Variants in HLA-G observed in about 807,000 individuals in gnomAD.
HLA-G encodes major histocompatibility complex, class I, G.
HLA-G carries 34 observed loss-of-function variants against 39.3 expected under a neutral mutation model. That is an observed-to-expected ratio of 0.86 (90% confidence interval 0.66 to 1.15). The LOEUF (loss-of-function observed/expected upper bound fraction) is 1.15, where lower values mean the gene tolerates loss of function less well. Ranked by LOEUF, HLA-G falls within the 50% of genes most tolerant of loss-of-function variation. The probability of loss-of-function intolerance (pLI) is 0.00; values close to 1 mark genes in which losing one functional copy is unlikely to be tolerated. For missense variants in HLA-G, 419 were observed against 456.4 expected (o/e 0.92, Z 0.75); for synonymous variants, 183 against 185.8 (o/e 0.99, Z 0.12).
upstream of HLA-G, among the ~76,000 whole-genome samples, chr6:29,826,724 T>C (rs3115630): frequency 0.95 from 144,393 of 152,338 alleles, 68,542 homozygotes; most frequent in East Asian, 1. Context: ...TCTACAGAGC[T>C]TCGCTGGGTG....
upstream of HLA-G, chr6:29,827,719 C>A: frequency 2.2e-6 from 2 of 929,374 alleles, no homozygotes; most frequent in Non-Finnish European, 3.5e-6. Flanking sequence ...TGGATACTCA[C>A]CGGGCGGCCC....
upstream of HLA-G, chr6:29,827,126 T>A (rs1562465978): frequency 2.1e-6 from 1 of 475,030 alleles, no homozygotes; most frequent in Non-Finnish European, 4.4e-6. Flanking sequence ...AGTCGTGTTG[T>A]AATGCTTTTA....
In HLA-G at chr6:29,828,040, C is replaced by G. The variant is rs569854342; in HGVS notation, c.74-7C>G. 1 of 1,609,336 alleles carries G rather than the reference C, an allele frequency of 6.2e-7. No individual in the cohort carries two copies. On this transcript the variant is annotated splice_region_variant and splice_polypyrimidine_tract_variant and intron_variant, in intron 1 of 6. Coordinates refer to ENST00000360323, the MANE Select transcript of HLA-G (RefSeq NM_001384290.1). Reference sequence around the variant, plus strand: ...TCGGGCGGGTCTCAACCCCTCCTCGCCCCCAGGCTCCCACTCCATGAGGTA... The same window carrying G: ...TCGGGCGGGTCTCAACCCCTCCTCGGCCCCAGGCTCCCACTCCATGAGGTA...
At chr6:29,827,804 C>T (rs1400922115), upstream of HLA-G, 3 of 1,592,958 alleles carry the variant, frequency 1.9e-6, no homozygotes, top group Non-Finnish European at 2.6e-6. Flanking sequence ...TTCTAAAGTC[C>T]TCGCTCACCC....
chr6:29,830,535 GT>G, intron 6 of HLA-G, 125 bp downstream of exon 6: 1 of 898,288 alleles, frequency 1.1e-6, no homozygotes, highest in Non-Finnish European at 1.9e-6. Context: ...ACCAGGTGCT[GT>G]TTTTGTTCTA....
Position 29,828,289 on chromosome 6 carries a change from C to A in HLA-G, c.316C>A (p.Arg106Ser), listed in dbSNP as rs780775783. ...TGACAGAATGAACCTGCAGACCCTG[C>A]GCGGCTACTACAACCAGAGCGAGGC... The part of the protein sequence containing the change: ...QTDRMNLQTL[R>S]GYYNQSEASS... Residue 106 changes from arginine (R) to serine (S), a missense_variant, in exon 2 of 7, where the codon CGC becomes AGC. Physicochemically the swap from Arg to Ser is moderately radical, Grantham distance 110 (BLOSUM62 -1). Transcript: ENST00000360323. 4 of 1,613,292 alleles carry A rather than the reference C, an allele frequency of 2.5e-6. No homozygotes were observed. The highest frequency in any genetic ancestry group is 3.4e-6 in the Non-Finnish European group (4 of 1,179,642).
chr6:29,829,850 T>C lies in HLA-G; in HGVS notation c.930T>C (p.Gly310=), dbSNP rs573045964. ...CCCTGCCCACCATCCCCATCATGGG[T>C]ATCGTTGCTGGCCTGGTTGTCCTTG... is the stretch of plus-strand genomic sequence containing the variant. ...QSSLPTIPIM[G]IVAGLVVLAA... The change falls in exon 5 of 7, where the codon GGT becomes GGC. Residue 310 remains glycine (G), a synonymous_variant. Transcript: ENST00000360323. 2 of 1,613,828 alleles carry C rather than the reference T, an allele frequency of 1.2e-6. No homozygotes were observed. Among genetic ancestry groups the C allele is most frequent in the East Asian group, 2.2e-5 (1 of 44,846 alleles).
Position 29,828,645 on chromosome 6 carries a change from C to A in HLA-G, c.446C>A (p.Ala149Asp). The A allele has an allele frequency of 6.2e-7, 1 of 1,613,120 alleles. No homozygotes were observed. ...GCCTACGATGGCAAGGATTACCTCG[C>A]CCTGAACGAGGACCTGCGCTCCTGG... ...QYAYDGKDYL[A>D]LNEDLRSWTA... Residue 149 changes from alanine to aspartate, a missense_variant, in exon 3 of 7, where the codon GCC becomes GAC. By Grantham distance (126) the Ala-to-Asp change is moderately radical. Around this residue, in one of 2 missense-constraint regions of HLA-G, gnomAD observed 328 missense variants for 323.0 expected, o/e 1.02. Transcript: ENST00000360323.
upstream of HLA-G, chr6:29,827,306 A>G (rs112940953): frequency 7.7e-4 from 266 of 343,696 alleles, 1 homozygote; most frequent in African/African-American, 5.4e-3. Flanking sequence ...TTAAGGGGGA[A>G]AAAAAACCCT....
Position 29,828,584 on chromosome 6 carries a change from T to C in HLA-G, c.385T>C (p.Ser129Pro), listed in dbSNP as rs774388746. The C allele has an allele frequency of 7.4e-6, 12 of 1,612,638 alleles. No homozygotes were observed. Among genetic ancestry groups the C allele is most frequent in the Non-Finnish European group, 9.3e-6 (11 of 1,179,908 alleles). ...GTGGATGATTGGCTGCGACCTGGGG[T>C]CCGACGGACGCCTCCTCCGCGGGTA... ...LQWMIGCDLG[S>P]DGRLLRGYEQ... The change falls in exon 3 of 7, where the codon TCC becomes CCC. Residue 129 changes from serine (S) to proline (P), a missense_variant. Ser to Pro is a moderately conservative substitution (Grantham distance 74, BLOSUM62 -1). This residue lies in a region of HLA-G where 328 missense variants were observed against 323.0 expected (regional missense o/e 1.02). Coordinates refer to ENST00000360323, the MANE Select transcript of HLA-G (RefSeq NM_001384290.1).
Position 29,829,765 on chromosome 6 carries a change from CG to C in HLA-G, c.896-49del, listed in dbSNP as rs773666498. 1.9e-5 allele frequency: 31 copies of C among 1,601,346 alleles called. No individual in the cohort carries two copies. In the South Asian group the frequency reaches 3.2e-4, roughly 17 times the overall value. ...CCTCTCTGAAGACCTTTAACAGGGT[CG>C]GTGGTGAGGGCTGGGGGTCAGAGAC... is the stretch of plus-strand genomic sequence containing the variant. On this transcript the variant is annotated intron_variant, in intron 4 of 6. Coordinates refer to ENST00000360323, the MANE Select transcript of HLA-G (RefSeq NM_001384290.1).
chr6:29,828,251 C>A lies in HLA-G; in HGVS notation c.278C>A (p.Ala93Asp). The change falls in exon 2 of 7, where the codon GCC (alanine) becomes GAC (aspartate). Residue 93 changes from alanine (A) to aspartate (D), a missense_variant. By Grantham distance (126) the Ala-to-Asp change is moderately radical (BLOSUM62 -2). Transcript: ENST00000360323. ...YWEEETRNTK[A>D]HAQTDRMNLQ... ...GAAGAGGAGACACGGAACACCAAGGCCCACGCACAGACTGACAGAATGAAC... is the reference window on the plus strand; with the variant it reads ...GAAGAGGAGACACGGAACACCAAGGACCACGCACAGACTGACAGAATGAAC... The A allele has an allele frequency of 1.9e-6, 3 of 1,613,476 alleles. No individual in the cohort carries two copies. Among genetic ancestry groups the A allele is most frequent in the Non-Finnish European group, 2.5e-6 (3 of 1,179,790 alleles).
At position 29,827,901 on chromosome 6, in the gene HLA-G, G is replaced by C. The variant is rs755278031; in HGVS notation, c.57G>C (p.Leu19=). 14 of 1,612,410 alleles carry C rather than the reference G, an allele frequency of 8.7e-6. No homozygotes were observed. In the East Asian group the frequency reaches 3.1e-4, roughly 36 times the overall value. The change falls in exon 1 of 7, where the codon CTG becomes CTC. Residue 19 remains leucine, a synonymous_variant. Transcript: ENST00000360323. The stretch of plus-strand genomic sequence containing the variant: ...TGCTGCTCTCGGGGGCCCTGACCCT[G>C]ACCGAGACCTGGGCGGGTGAGTGCG... ...LFLLLSGALT[L]TETWAGSHSM... is the part of the protein sequence containing the mutation.
At chr6:29,827,275 T>G, upstream of HLA-G, 1 of 356,862 alleles carries the variant, frequency 2.8e-6, no homozygotes, top group African/African-American at 2.1e-5. Flanking sequence ...TCTCATGCAC[T>G]CAGGCACAAC....
chr6:29,829,589 C>T lies in HLA-G; in HGVS notation c.791C>T (p.Thr264Ile), dbSNP rs202126599. The T allele has an allele frequency of 1.9e-6, 3 of 1,614,066 alleles. No homozygotes were observed. Among genetic ancestry groups the T allele is most frequent in the Non-Finnish European group, 1.7e-6 (2 of 1,180,014 alleles). The change falls in exon 4 of 7, where the codon ACC becomes ATC. Residue 264 changes from threonine (T) to isoleucine (I), a missense_variant. By Grantham distance (89) the Thr-to-Ile change is moderately conservative. Around this residue, in one of 2 missense-constraint regions of HLA-G, gnomAD observed 328 missense variants for 323.0 expected, o/e 1.02. Transcript: ENST00000360323. ...LVETRPAGDGTFQKWAAVVVP... is the reference protein window; with the variant it reads ...LVETRPAGDGIFQKWAAVVVP... ...GAGACCAGGCCTGCAGGGGATGGAA[C>T]CTTCCAGAAGTGGGCAGCTGTGGTG...
chr6:29,830,268 C>T, intron 5 of HLA-G, 110 bp from the exon 6 acceptor site: 5 of 1,203,518 alleles, frequency 4.2e-6, no homozygotes, highest in South Asian at 1.2e-5. Context: ...CCTGGGTCTG[C>T]AGTCACACAT....
rs144577485 is a variant in HLA-G at position 29,829,423 on chromosome 6, C to G, written c.625C>G (p.Pro209Ala). 3.9e-5 allele frequency: 63 copies of G among 1,613,526 alleles called. No individual in the cohort carries two copies. The highest frequency in any genetic ancestry group is 4.9e-5 in the Non-Finnish European group (58 of 1,179,696). Residue 209 changes from proline to alanine, a missense_variant, in exon 4 of 7, where the codon CCC becomes GCC. Physicochemically the swap from Pro to Ala is conservative, Grantham distance 27. Coordinates refer to ENST00000360323, the MANE Select transcript of HLA-G (RefSeq NM_001384290.1). ...GKEMLQRADP[P>A]KTHVTHHPVF... ...TTTCTGACTCTTCCTTTCAGACCCC[C>G]CCAAGACACACGTGACCCACCACCC...
Position 29,828,797 on chromosome 6 carries a change from A to T in HLA-G, c.598A>T (p.Lys200Ter), listed in dbSNP as rs773333708. 1.1e-5 allele frequency: 17 copies of T among 1,614,026 alleles called. No individual in the cohort carries two copies. Among genetic ancestry groups the T allele is most frequent in the Non-Finnish European group, 1.3e-5 (15 of 1,180,004 alleles). The change falls in exon 3 of 7, where the codon AAG becomes TAG. Residue 200 changes from lysine to a stop codon, truncating the protein, a stop_gained. Transcript: ENST00000360323. LOFTEE classifies it high-confidence loss of function. ...GCTCCACAGATACCTGGAGAACGGG[A>T]AGGAGATGCTGCAGCGCGCGGGTAC... ...EWLHRYLENG[K>*]EMLQRADPPK...
intron 1 of HLA-G, 28 bp downstream of exon 1, chr6:29,827,945 C>T: frequency 2.5e-6 from 4 of 1,597,042 alleles, no homozygotes; most frequent in Non-Finnish European, 2.6e-6. Flanking sequence ...AGGGAAACAG[C>T]CCCTGCGCGG....
Sources: gnomAD v4.1 joint callset for allele counts (sites outside exome capture counted in the v4.1 genomes callset) on GRCh38, gnomAD v4.1.1 for gene constraint, gnomAD v4.1.1 regional missense constraint, MANE v1.5 for transcripts, NCBI Gene and HGNC (gene_info 2026-07-23, HGNC 2026-07-21) for gene names.